GRAMD1B: variants seen among roughly 807,000 people sequenced by gnomAD.
GRAMD1B encodes the protein protein Aster-B.
In GRAMD1B, 37 loss-of-function variants were observed where a neutral mutation model predicts 99.7. The observed-to-expected ratio is 0.37, with a 90% CI of 0.29 to 0.49. GRAMD1B has a LOEUF of 0.49. Ranked by LOEUF, GRAMD1B falls within the 20% of genes least tolerant of loss-of-function variation. The probability of loss-of-function intolerance (pLI) is 0.98; values close to 1 mark genes in which losing one functional copy is unlikely to be tolerated. For synonymous variants in GRAMD1B, 427 were observed against 387.6 expected (o/e 1.10, Z -1.19); for missense variants, 888 against 1,009.2 (o/e 0.88, Z 1.63).
intron 1 of GRAMD1B, among the ~76,000 whole-genome samples, chr11:123,389,854 T>C (rs764414974): frequency 2.0e-5 from 3 of 152,114 alleles, no homozygotes; most frequent in African/African-American, 4.8e-5. Flanking sequence ...CAAGCGATTC[T>C]TGTGCCTCTG....
intron 1 of GRAMD1B, among the ~76,000 whole-genome samples, chr11:123,417,830 G>A (rs1006824582): frequency 1.3e-5 from 2 of 152,130 alleles, no homozygotes; most frequent in Non-Finnish European, 2.9e-5. Flanking sequence ...CCAGCTACTC[G>A]GGAGGCTGAG....
At chr11:123,415,837 A>G (rs187543560) in intron 1 of GRAMD1B, among the ~76,000 whole-genome samples, 49 of 152,304 alleles carry the variant, frequency 3.2e-4, no homozygotes, top group Admixed American at 2.4e-3. Flanking sequence ...AGTCACTATT[A>G]CTTTTTGGAC....
chr11:123,457,136 A>AGAAAGAAT (rs1469694489), intron 1 of GRAMD1B, among the ~76,000 whole-genome samples: 6 of 149,042 alleles, frequency 4.0e-5, no homozygotes, highest in South Asian at 2.2e-4. Flanking sequence ...AAAGAAAGAA[A>AGAAAGAAT]GAATTAGAAC....
chr11:123,416,787 CT>C (rs998231806), intron 1 of GRAMD1B, among the ~76,000 whole-genome samples: 43 of 151,470 alleles, frequency 2.8e-4, no homozygotes, highest in Non-Finnish European at 1.2e-4. Context: ...TAACCATGGA[CT>C]TTTTTTTTAG....
At chr11:123,406,781 A>G (rs1474095771) in intron 1 of GRAMD1B, among the ~76,000 whole-genome samples, 1 of 152,180 alleles carries the variant, frequency 6.6e-6, no homozygotes, top group Admixed American at 6.5e-5. Flanking sequence ...AAGGGAGGAG[A>G]TGACATTTTC....
At chr11:123,524,419 C>T (rs1180737673) in intron 2 of GRAMD1B, among the ~76,000 whole-genome samples, 1 of 151,666 alleles carries the variant, frequency 6.6e-6, no homozygotes, top group Non-Finnish European at 1.5e-5. Flanking sequence ...GGGCTCACTG[C>T]AGCCTCTATC....
intron 1 of GRAMD1B, among the ~76,000 whole-genome samples, chr11:123,454,192 A>C (rs1737456174): frequency 6.6e-6 from 1 of 152,206 alleles, no homozygotes; most frequent in African/African-American, 2.4e-5. Flanking sequence ...ACCTACCTTG[A>C]AGACTGGTTT....
chr11:123,514,440 C>A (rs544831952), intron 2 of GRAMD1B, among the ~76,000 whole-genome samples: 5 of 152,164 alleles, frequency 3.3e-5, no homozygotes, highest in African/African-American at 1.2e-4. Context: ...ACCATCAATA[C>A]GCTGGGATTG....
chr11:123,598,784 A>G (rs914913962), intron 7 of GRAMD1B: 18 of 962,390 alleles, frequency 1.9e-5, no homozygotes, highest in African/African-American at 1.8e-4. Context: ...GAAAGATCCC[A>G]TTCTCCCATT....
At chr11:123,380,216 C>T (rs542369211) in intron 1 of GRAMD1B, among the ~76,000 whole-genome samples, 1 of 152,246 alleles carries the variant, frequency 6.6e-6, no homozygotes, top group South Asian at 2.1e-4. Flanking sequence ...ATTGCTTGTC[C>T]TTTTGGTGTC....
intron 1 of GRAMD1B, among the ~76,000 whole-genome samples, chr11:123,421,957 CTGT>C (rs1948453095): frequency 1.3e-5 from 2 of 152,184 alleles, no homozygotes; most frequent in African/African-American, 4.8e-5. Flanking sequence ...TTTTTTAAAT[CTGT>C]ATTTTCATAC....
intron 1 of GRAMD1B, among the ~76,000 whole-genome samples, chr11:123,390,701 T>C (rs76331760): frequency 0.041 from 6,271 of 152,326 alleles, 404 homozygotes; most frequent in African/African-American, 0.13. Flanking sequence ...TCACTCCCAT[T>C]GCTTATTTCC....
At chr11:123,450,429 G>T (rs1003374497) in intron 1 of GRAMD1B, among the ~76,000 whole-genome samples, 1 of 152,072 alleles carries the variant, frequency 6.6e-6, no homozygotes, top group African/African-American at 2.4e-5. Context: ...GCCAGATACC[G>T]TTCCTAACAC....
Position 123,617,534 on chromosome 11 carries a change from C to T in GRAMD1B, c.2319-1159C>T, listed in dbSNP as rs542038399. On this transcript the variant is annotated intron_variant, in intron 17 of 19. Transcript: ENST00000635736. The stretch of plus-strand genomic sequence containing the variant: ...TCTTTCTTTTCTTATGTGTGTCTAC[C>T]TCTCCCCCATTAATTATAAGAACTA... Among the ~76,000 whole-genome samples, 64 of 152,176 alleles carry T rather than the reference C, an allele frequency of 4.2e-4. No individual in the cohort carries two copies. In the South Asian group the frequency reaches 0.012, roughly 30 times the overall value.
At chr11:123,601,643 T>C (rs1756657046) in intron 8 of GRAMD1B, among the ~76,000 whole-genome samples, 1 of 152,172 alleles carries the variant, frequency 6.6e-6, no homozygotes. Context: ...ATTTATTATT[T>C]AGAGTTTCTT....
chr11:123,494,196 G>A (rs966602441), intron 2 of GRAMD1B, among the ~76,000 whole-genome samples: 1 of 152,090 alleles, frequency 6.6e-6, no homozygotes, highest in African/African-American at 2.4e-5. Flanking sequence ...AACCATATAC[G>A]ACTTTTTGTT....
chr11:123,529,421 G>A (rs1943126782), intron 2 of GRAMD1B, among the ~76,000 whole-genome samples: 1 of 152,206 alleles, frequency 6.6e-6, no homozygotes, highest in African/African-American at 2.4e-5. Flanking sequence ...ATATGTCTAT[G>A]ACTGACAAGT....
chr11:123,405,310 C>T (rs974238762), intron 1 of GRAMD1B, among the ~76,000 whole-genome samples: 2 of 152,114 alleles, frequency 1.3e-5, no homozygotes, highest in Non-Finnish European at 2.9e-5. Flanking sequence ...TGACCTCAGA[C>T]CCAACCACTT....
intron 1 of GRAMD1B, among the ~76,000 whole-genome samples, chr11:123,400,988 G>C (rs1442058911): frequency 6.6e-6 from 1 of 152,074 alleles, no homozygotes; most frequent in Non-Finnish European, 1.5e-5. Flanking sequence ...GAACTCAGAA[G>C]GTCTGAAAAC....
Sources: allele counts gnomAD v4.1 joint callset (sites outside exome capture counted in the v4.1 genomes callset), GRCh38; gene constraint gnomAD v4.1.1; transcripts MANE v1.5; gene names NCBI Gene and HGNC (gene_info 2026-07-23, HGNC 2026-07-21).